Variants in C1D observed in about 807,000 individuals in gnomAD.
C1D encodes the protein C1D nuclear receptor corepressor, also known as nuclear nucleic acid-binding protein C1D.
A neutral mutation model predicts 17.5 loss-of-function variants in C1D; 10 were observed. The ratio of observed to expected loss-of-function variants is 0.57; its 90% CI spans 0.35 to 0.97. C1D has a LOEUF of 0.97. Among genes scored for constraint, C1D ranks in the 50% least tolerant of loss-of-function variants. The probability of loss-of-function intolerance (pLI) is 0.01; values close to 1 mark genes in which losing one functional copy is unlikely to be tolerated. For missense variants in C1D, 136 were observed against 160.1 expected, an observed-to-expected ratio of 0.85 and a Z score of 0.81; for synonymous variants, 49 against 54.0, an observed-to-expected ratio of 0.91 and a Z score of 0.40.
Position 68,060,574 on chromosome 2 carries a change from C to T in C1D, c.-10+2384G>A, listed in dbSNP as rs1267892651. On this transcript the variant is annotated intron_variant, in intron 1 of 4. Coordinates refer to ENST00000410067, the MANE Select transcript of C1D (RefSeq NM_173177.3). ...AGGAGAATCGTTGGAACCCAGGAGG[C>T]GGAGGTTGCAGTGAGCCGAGATTGT... 2.8e-5 allele frequency among the ~76,000 whole-genome samples: 4 copies of T among 142,252 alleles called. No homozygotes were observed. The East Asian group carries it at 7.2e-4, about 26-fold the overall frequency. The allele number at this position is 142,252 out of a possible 152,430, so 93.3% of individuals were successfully genotyped here.
intron 4 of C1D, among the ~76,000 whole-genome samples, chr2:68,043,622 A>T (rs1199371073): frequency 6.6e-6 from 1 of 152,184 alleles, no homozygotes; most frequent in African/African-American, 2.4e-5. Flanking sequence ...TACAGTTCTA[A>T]TCAGACTTTA....
rs115084235 is a variant in C1D at position 68,053,472 on chromosome 2, A to G, written c.-9-6153T>C. Among the ~76,000 whole-genome samples, 1,190 of 152,264 alleles carry G rather than the reference A, an allele frequency of 7.8e-3. 10 individuals carry two copies. The highest frequency in any genetic ancestry group is 0.027 in the African/African-American group (1,120 of 41,552). On this transcript the variant is annotated intron_variant, in intron 1 of 4. Transcript: ENST00000410067. ...TCAATATGGCTCCCTTAATCTCCTTACACCACAAGCTTTCCTCTATTCTCA... is the reference window on the plus strand; with the variant it reads ...TCAATATGGCTCCCTTAATCTCCTTGCACCACAAGCTTTCCTCTATTCTCA...
At chr2:68,056,943 G>A (rs1214856353) in intron 1 of C1D, among the ~76,000 whole-genome samples, 1 of 152,056 alleles carries the variant, frequency 6.6e-6, no homozygotes, top group Non-Finnish European at 1.5e-5. Context: ...AATGTTTAAG[G>A]ACTTCCACTG....
chr2:68,045,092 A>G (rs1445311529), intron 4 of C1D, among the ~76,000 whole-genome samples: 4 of 152,314 alleles, frequency 2.6e-5, no homozygotes, highest in South Asian at 2.1e-4. Flanking sequence ...CTTCAAAATA[A>G]GGAAATGTCT....
intron 1 of C1D, among the ~76,000 whole-genome samples, chr2:68,048,577 A>AT (rs1197950370): frequency 6.6e-6 from 1 of 152,152 alleles, no homozygotes; most frequent in Non-Finnish European, 1.5e-5. Flanking sequence ...ACATATCAAC[A>AT]TTTTTTCTGA....
Position 68,047,257 on chromosome 2 carries a change from C to G in C1D, c.54G>C (p.Leu18Phe). ...CACCAATGGAATTCTCAAACGCTGA[C>G]AAATACTCGTGAATTTCTACTGGAT... is the stretch of plus-strand genomic sequence containing the variant. ...EDYPVEIHEY[L>F]SAFENSIGAV... The change falls in exon 2 of 5, where the codon TTG becomes TTC. Residue 18 changes from leucine (L) to phenylalanine (F), a missense_variant. Leu to Phe is a conservative substitution (Grantham distance 22). Coordinates refer to ENST00000410067, the MANE Select transcript of C1D (RefSeq NM_173177.3). 1.2e-6 allele frequency: 2 copies of G among 1,613,002 alleles called. No homozygotes were observed. Among genetic ancestry groups the G allele is most frequent in the South Asian group, 2.2e-5 (2 of 90,920 alleles).
intron 4 of C1D, among the ~76,000 whole-genome samples, chr2:68,044,505 G>A (rs960623261): frequency 5.3e-5 from 8 of 152,158 alleles, no homozygotes; most frequent in African/African-American, 1.7e-4. Flanking sequence ...TCAGGAGATC[G>A]AGACCATCCT....
intron 1 of C1D, among the ~76,000 whole-genome samples, chr2:68,062,449 A>G (rs1320268659): frequency 1.3e-5 from 2 of 152,204 alleles, no homozygotes; most frequent in Non-Finnish European, 2.9e-5. Context: ...GATTTCAGCT[A>G]AAGGTCGAAA....
rs550767560 is a variant in C1D, at chr2:68,062,955, T to C, written c.-10+3A>G. Reference sequence around the variant, plus strand: ...AAACTGAAACTACACCTTAGAAAAATACCTCACGGCCTTCGACTCCAGTCT... The same window carrying C: ...AAACTGAAACTACACCTTAGAAAAACACCTCACGGCCTTCGACTCCAGTCT... On this transcript the variant is annotated splice_donor_region_variant and intron_variant, in intron 1 of 4. Coordinates refer to ENST00000410067, the MANE Select transcript of C1D (RefSeq NM_173177.3). 2 of 152,032 alleles carry C rather than the reference T, an allele frequency of 1.3e-5. No individual in the cohort carries two copies. Among genetic ancestry groups the C allele is most frequent in the African/African-American group, 4.8e-5 (2 of 41,358 alleles). 9.4% of individuals were successfully genotyped at this position (152,032 alleles called of 1,614,324 possible).
chr2:68,045,744 T>C (rs1197769149), intron 4 of C1D, among the ~76,000 whole-genome samples: 1 of 151,912 alleles, frequency 6.6e-6, no homozygotes. Context: ...AGAAAAATAA[T>C]ATGTAAGTTA....
At chr2:68,054,367 C>T (rs1411442475) in intron 1 of C1D, among the ~76,000 whole-genome samples, 1 of 152,118 alleles carries the variant, frequency 6.6e-6, no homozygotes, top group African/African-American at 2.4e-5. Flanking sequence ...AGAGTTATGG[C>T]AAGAAACTGG....
chr2:68,043,511 T>A (rs1219139834), intron 4 of C1D, among the ~76,000 whole-genome samples: 1 of 152,224 alleles, frequency 6.6e-6, no homozygotes, highest in African/African-American at 2.4e-5. Flanking sequence ...TACTTAACTA[T>A]CTTTTCACAT....
intron 1 of C1D, among the ~76,000 whole-genome samples, chr2:68,056,161 C>T (rs1671432834): frequency 1.3e-5 from 2 of 152,170 alleles, no homozygotes; most frequent in Non-Finnish European, 2.9e-5. Context: ...CTTGCTGTCT[C>T]GCCCAAGCTG....
intron 1 of C1D, among the ~76,000 whole-genome samples, chr2:68,050,300 CA>C (rs201574561): frequency 0.061 from 8,608 of 141,956 alleles, 362 homozygotes; most frequent in East Asian, 0.29. Flanking sequence ...AAGAAAGAAA[CA>C]AAAAAAAAAA....
rs1670983560 is a variant in C1D, at chr2:68,042,424, AAAGT to A, written c.*461_*464del. On this transcript the variant is annotated 3_prime_UTR_variant, in exon 5 of 5. Coordinates refer to ENST00000410067, the MANE Select transcript of C1D (RefSeq NM_173177.3). ...ATTCCTAAAATCATGAAAACATGAT[AAAGT>A]ATCTATACAGAAAAAAATGAACATT... 1 of 152,762 alleles carries A rather than the reference AAAGT, an allele frequency of 6.5e-6. No homozygotes were observed. Among genetic ancestry groups the A allele is most frequent in the Admixed American group, 6.5e-5 (1 of 15,284 alleles). 9.5% of individuals were successfully genotyped at this position (152,762 alleles called of 1,614,324 possible). A position where few individuals can be genotyped will look rare whatever the true frequency, so the allele number is the denominator to read the frequency against.
chr2:68,044,981 G>T (rs1277139430), intron 4 of C1D, among the ~76,000 whole-genome samples: 1 of 152,072 alleles, frequency 6.6e-6, no homozygotes, highest in Non-Finnish European at 1.5e-5. Flanking sequence ...CCGTATCACT[G>T]GTCAAACCAA....
rs1209385193 is a variant in C1D at position 68,056,034 on chromosome 2, T to C, written c.-10+6924A>G. On this transcript the variant is annotated intron_variant, in intron 1 of 4. Transcript: ENST00000410067. ...TGGGTGCTCACTACATCTGTGATAG[T>C]TGCTGAACATATAGTCTCAAATGAA... Among the ~76,000 whole-genome samples, 2 of 152,208 alleles carry C rather than the reference T, an allele frequency of 1.3e-5. 1 individual carries two copies. Among genetic ancestry groups the C allele is most frequent in the Non-Finnish European group, 2.9e-5 (2 of 68,038 alleles).
intron 1 of C1D, among the ~76,000 whole-genome samples, chr2:68,059,302 T>C (rs941862552): frequency 2.6e-5 from 4 of 152,180 alleles, no homozygotes; most frequent in Admixed American, 6.5e-5. Context: ...CCACTAGGCC[T>C]ACCTCCAACA....
chr2:68,045,819 T>C (rs911022410), intron 4 of C1D, among the ~76,000 whole-genome samples, 169 bp downstream of exon 4: 2 of 151,946 alleles, frequency 1.3e-5, no homozygotes, highest in African/African-American at 4.8e-5. Flanking sequence ...GGAATACCAA[T>C]TATCTGAAAA....
Sources: gnomAD v4.1 joint callset for allele counts (sites outside exome capture counted in the v4.1 genomes callset) on GRCh38, gnomAD v4.1.1 for gene constraint, MANE v1.5 for transcripts, NCBI Gene and HGNC (gene_info 2026-07-23, HGNC 2026-07-21) for gene names.